Variants in LRRIQ1 observed in about 807,000 individuals in gnomAD.
LRRIQ1 encodes leucine-rich repeat- and IQ domain-containing protein 1.
Under a neutral mutation model 211.9 loss-of-function variants are expected in LRRIQ1, and 210 were observed. The observed-to-expected ratio is 0.99, with a 90% CI of 0.89 to 1.11. LRRIQ1 has a LOEUF of 1.11. Among genes scored for constraint, LRRIQ1 ranks in the 50% most tolerant of loss-of-function variants. LRRIQ1 has a pLI of 0.00. For synonymous variants in LRRIQ1, 699 were observed against 650.1 expected, an observed-to-expected ratio of 1.08 and a Z score of -1.14; for missense variants, 2,136 against 1,939.5, an observed-to-expected ratio of 1.10 and a Z score of -1.90.
chr12:85,088,120 G>T (rs1009367373), intron 11 of LRRIQ1, among the ~76,000 whole-genome samples: 3 of 152,096 alleles, frequency 2.0e-5, no homozygotes, highest in Non-Finnish European at 2.9e-5. Flanking sequence ...ATTAATTTTT[G>T]TATAAGGTGT....
intron 19 of LRRIQ1, among the ~76,000 whole-genome samples, chr12:85,142,397 A>C (rs1053045129): frequency 2.6e-5 from 4 of 151,562 alleles, no homozygotes; most frequent in Non-Finnish European, 4.4e-5. Context: ...GATGTTTTGA[A>C]GTATATATAC....
chr12:85,075,704 A>G (rs886693036), intron 11 of LRRIQ1, among the ~76,000 whole-genome samples: 22 of 152,120 alleles, frequency 1.4e-4, no homozygotes, highest in Admixed American at 7.2e-4. Context: ...GACAGGGACA[A>G]ATATCCAAAC....
At chr12:85,266,616 G>A (rs181176031), downstream of LRRIQ1, among the ~76,000 whole-genome samples, 4 of 152,164 alleles carry the variant, frequency 2.6e-5, no homozygotes, top group South Asian at 6.2e-4. Flanking sequence ...AGTAAGTTTC[G>A]AGAGCCCTCT....
intron 24 of LRRIQ1, among the ~76,000 whole-genome samples, chr12:85,175,513 G>C (rs1331205825): frequency 6.6e-6 from 1 of 152,108 alleles, no homozygotes; most frequent in Non-Finnish European, 1.5e-5. Flanking sequence ...TTTCTATATG[G>C]TTAAATCTAA....
Position 85,038,266 on chromosome 12 carries a change from G to A in LRRIQ1, c.90G>A (p.Glu30=), listed in dbSNP as rs1284272281. ...SISSLEKEDI[E]SDAKSETQSD... ...CCTCCTTGGAAAAAGAAGACATTGAGAGTGATGCAAAATCAGAAACCCAGA... is the reference window on the plus strand; with the variant it reads ...CCTCCTTGGAAAAAGAAGACATTGAAAGTGATGCAAAATCAGAAACCCAGA... The change falls in exon 2 of 27, where the codon GAG becomes GAA. Residue 30 remains glutamate, a synonymous_variant. Coordinates refer to ENST00000393217, the MANE Select transcript of LRRIQ1 (RefSeq NM_001079910.2). 7 of 1,583,662 alleles carry A rather than the reference G, an allele frequency of 4.4e-6. No homozygotes were observed. The highest frequency in any genetic ancestry group is 5.2e-6 in the Non-Finnish European group (6 of 1,163,468).
intron 8 of LRRIQ1, among the ~76,000 whole-genome samples, chr12:85,063,780 G>A (rs562152378): frequency 3.3e-5 from 5 of 151,702 alleles, no homozygotes; most frequent in South Asian, 4.2e-4. Flanking sequence ...ACAAATAAGC[G>A]AGGATATGCA....
At chr12:85,181,528 A>T (rs931523902) in intron 24 of LRRIQ1, among the ~76,000 whole-genome samples, 5 of 152,024 alleles carry the variant, frequency 3.3e-5, no homozygotes, top group Non-Finnish European at 5.9e-5. Flanking sequence ...AAATGATTAT[A>T]TCAATTACTA....
At chr12:85,060,140 G>A (rs1459832053) in intron 8 of LRRIQ1, among the ~76,000 whole-genome samples, 2 of 151,810 alleles carry the variant, frequency 1.3e-5, no homozygotes, top group African/African-American at 2.4e-5. Context: ...TTAAAATGCT[G>A]TATGTAAAGA....
chr12:85,197,977 TA>T (rs1565898456), intron 24 of LRRIQ1, among the ~76,000 whole-genome samples: 6 of 105,874 alleles, frequency 5.7e-5, no homozygotes, highest in Non-Finnish European at 8.8e-5. Flanking sequence ...TAAATATATA[TA>T]ATTATATTAT....
At chr12:85,066,945 T>G in intron 10 of LRRIQ1, 47 bp downstream of exon 10, 1 of 1,072,660 alleles carries the variant, frequency 9.3e-7, no homozygotes, top group Non-Finnish European at 1.3e-6. Context: ...TTCTCATAAT[T>G]TATTGTGTTT....
chr12:85,195,646 C>G (rs1403210262), intron 24 of LRRIQ1, among the ~76,000 whole-genome samples: 7 of 151,202 alleles, frequency 4.6e-5, no homozygotes, highest in Admixed American at 1.3e-4. Flanking sequence ...TAAAAACTCT[C>G]AATAAATTAG....
rs529009704 is a variant in LRRIQ1, at chr12:85,155,489, T to C, written c.4720+1395T>C. Among the ~76,000 whole-genome samples, 7 of 151,672 alleles carry C rather than the reference T, an allele frequency of 4.6e-5. No homozygotes were observed. In the South Asian group the frequency reaches 1.5e-3, roughly 31 times the overall value. On this transcript the variant is annotated intron_variant, in intron 23 of 26. Coordinates refer to ENST00000393217, the MANE Select transcript of LRRIQ1 (RefSeq NM_001079910.2). ...AAATCTGGTAGTGTAATAAACTCTA[T>C]TATTGCTTTGATGTCTATTTCTACC...
intron 1 of LRRIQ1, among the ~76,000 whole-genome samples, chr12:85,251,790 A>C (rs79861008): frequency 6.6e-6 from 1 of 151,652 alleles, no homozygotes; most frequent in Non-Finnish European, 1.5e-5. Flanking sequence ...AAAAAAAAAA[A>C]CAGATATAGA....
At chr12:85,232,789 T>C (rs1381652378) in intron 26 of LRRIQ1, 33 bp downstream of exon 26, 3 of 1,478,666 alleles carry the variant, frequency 2.0e-6, no homozygotes, top group Non-Finnish European at 2.8e-6. Context: ...CAGAAAAATG[T>C]TGTAGACACT....
chr12:85,043,136 G>A (rs1406004995), intron 3 of LRRIQ1, among the ~76,000 whole-genome samples: 1 of 152,040 alleles, frequency 6.6e-6, no homozygotes, highest in East Asian at 1.9e-4. Context: ...TATAAGGAGA[G>A]ATGTTCTGAA....
intron 26 of LRRIQ1, among the ~76,000 whole-genome samples, chr12:85,241,108 A>G (rs988598711): frequency 1.3e-5 from 2 of 152,028 alleles, no homozygotes; most frequent in Non-Finnish European, 2.9e-5. Flanking sequence ...ATACAGTGTC[A>G]GTTTTCTGGT....
In LRRIQ1 at chr12:85,232,742, AG is replaced by A; in HGVS notation, c.5003del (p.Arg1668LysfsTer9). On this transcript the variant is annotated frameshift_variant, in exon 26 of 27. Coordinates refer to ENST00000393217, the MANE Select transcript of LRRIQ1 (RefSeq NM_001079910.2). LOFTEE classifies it high-confidence loss of function. ...AGATCCAGATGTACTTAATGGTGGAAGAGTTCAGCTTGTGGTAAGAAATGTG... is the reference window on the plus strand; with the variant it reads ...AGATCCAGATGTACTTAATGGTGGAAAGTTCAGCTTGTGGTAAGAAATGTG... ...ELDPDVLNGGRVQLVARLVSR... is the reference protein window; with the variant it reads ...ELDPDVLNGGXVQLVARLVSR... 6.2e-7 allele frequency: 1 copy of A among 1,612,696 alleles called. No individual in the cohort carries two copies. The highest frequency in any genetic ancestry group is 1.3e-5 in the African/African-American group (1 of 75,022).
intron 16 of LRRIQ1, among the ~76,000 whole-genome samples, chr12:85,122,737 AC>A (rs1272208680): frequency 1.3e-5 from 2 of 152,090 alleles, no homozygotes; most frequent in Admixed American, 6.5e-5. Flanking sequence ...AAGAAATCTC[AC>A]ATCATTAAAA....
At chr12:85,256,243 A>T (rs759669336) in intron 1 of LRRIQ1, among the ~76,000 whole-genome samples, 1 of 151,702 alleles carries the variant, frequency 6.6e-6, no homozygotes, top group Non-Finnish European at 1.5e-5. Flanking sequence ...AAAATTTAAC[A>T]TTTTTTGACG....
Sources: gnomAD v4.1 joint callset for allele counts (sites outside exome capture counted in the v4.1 genomes callset) on GRCh38, gnomAD v4.1.1 for gene constraint, MANE v1.5 for transcripts, NCBI Gene and HGNC (gene_info 2026-07-23, HGNC 2026-07-21) for gene names.